Variants in PRKD1 observed in about 807,000 individuals in gnomAD.
PRKD1 encodes protein kinase D1.
In PRKD1, 63 loss-of-function variants were observed where a neutral mutation model predicts 95.9. That is an observed-to-expected ratio of 0.66 (90% CI 0.54 to 0.81). The LOEUF is 0.81. PRKD1 is among the 30% of genes least tolerant of loss of function. The probability of loss-of-function intolerance (pLI) is 0.00; values close to 1 mark genes in which losing one functional copy is unlikely to be tolerated. For synonymous variants in PRKD1, 425 were observed against 423.1 expected (o/e 1.00, Z -0.05); for missense variants, 1,048 against 1,165.3 (o/e 0.90, Z 1.47).
intron 1 of PRKD1, among the ~76,000 whole-genome samples, chr14:29,878,069 G>T (rs1052662453): frequency 6.6e-6 from 1 of 152,100 alleles, no homozygotes; most frequent in Non-Finnish European, 1.5e-5. Context: ...AATACTTCAT[G>T]TTCTCACTTA....
At chr14:29,844,629 C>T (rs1241584710) in intron 1 of PRKD1, among the ~76,000 whole-genome samples, 2 of 152,106 alleles carry the variant, frequency 1.3e-5, no homozygotes, top group African/African-American at 4.8e-5. Context: ...GTATATCATA[C>T]ATAGACATAG....
chr14:29,877,655 A>G (rs1893347879), intron 1 of PRKD1, among the ~76,000 whole-genome samples: 1 of 152,136 alleles, frequency 6.6e-6, no homozygotes, highest in African/African-American at 2.4e-5. Flanking sequence ...TGATGAGTTG[A>G]TTTTTGTATA....
chr14:29,723,776 T>C (rs754447931), intron 2 of PRKD1, among the ~76,000 whole-genome samples: 2 of 152,038 alleles, frequency 1.3e-5, no homozygotes, highest in African/African-American at 2.4e-5. Context: ...AGAATTAAAC[T>C]GTTAGAGAAT....
intron 1 of PRKD1, among the ~76,000 whole-genome samples, chr14:29,798,046 G>GATGT (rs1225454079): frequency 6.6e-6 from 1 of 152,158 alleles, no homozygotes; most frequent in Non-Finnish European, 1.5e-5. Flanking sequence ...CCATCTTGAA[G>GATGT]ATGTATGTAT....
intron 1 of PRKD1, among the ~76,000 whole-genome samples, chr14:29,749,598 C>T (rs965581107): frequency 1.3e-5 from 2 of 152,068 alleles, no homozygotes; most frequent in African/African-American, 4.8e-5. Context: ...CTTAATGGGT[C>T]GTTACTGATC....
rs35777923 is a variant in PRKD1, at chr14:29,733,108, A to ATT, written c.265-7436_265-7435dup. ...TTATTTTTTTAATTTTTATTTATTTATTTTTTTTTTTTGAGATGGAGTCTC... is the reference window on the plus strand; with the variant it reads ...TTATTTTTTTAATTTTTATTTATTTATTTTTTTTTTTTTTGAGATGGAGTCTC... On this transcript the variant is annotated intron_variant, in intron 1 of 17. Transcript: ENST00000331968. Among the ~76,000 whole-genome samples the ATT allele has an allele frequency of 1.1e-3, 156 of 138,932 alleles. 2 individuals carry two copies. Among genetic ancestry groups the ATT allele is most frequent in the Middle Eastern group, 3.7e-3 (1 of 270 alleles). The allele number at this position is 138,932 out of a possible 152,430, so 91.1% of individuals were successfully genotyped here.
At chr14:29,787,331 T>C (rs1022385859) in intron 1 of PRKD1, among the ~76,000 whole-genome samples, 1 of 150,788 alleles carries the variant, frequency 6.6e-6, no homozygotes, top group Non-Finnish European at 1.5e-5. Context: ...TATGTAAATA[T>C]CTGTTAGATC....
chr14:29,715,006 G>GT (rs1463437476), intron 2 of PRKD1, among the ~76,000 whole-genome samples: 4 of 152,128 alleles, frequency 2.6e-5, no homozygotes, highest in Non-Finnish European at 5.9e-5. Flanking sequence ...AATACCTAAT[G>GT]TAGATGACGG....
chr14:29,772,054 G>C (rs1888533564), intron 1 of PRKD1, among the ~76,000 whole-genome samples: 1 of 152,206 alleles, frequency 6.6e-6, no homozygotes, highest in South Asian at 2.1e-4. Context: ...ATGACTCTCA[G>C]CCATATATGA....
chr14:29,896,967 C>A (rs1894151638), intron 1 of PRKD1, among the ~76,000 whole-genome samples: 1 of 151,646 alleles, frequency 6.6e-6, no homozygotes, highest in South Asian at 2.1e-4. Context: ...AAACTGCTTT[C>A]TTGTATTTAT....
intron 1 of PRKD1, among the ~76,000 whole-genome samples, chr14:29,872,838 T>C (rs1233813450): frequency 6.6e-6 from 1 of 152,172 alleles, no homozygotes; most frequent in Non-Finnish European, 1.5e-5. Flanking sequence ...TTAGAAGCTG[T>C]TATTTACTTG....
At chr14:29,901,058 T>G (rs1426209564) in intron 1 of PRKD1, among the ~76,000 whole-genome samples, 1 of 152,212 alleles carries the variant, frequency 6.6e-6, no homozygotes, top group African/African-American at 2.4e-5. Context: ...TGCAGTGCTA[T>G]TCACAATAGC....
chr14:29,920,068 A>AGAAGGAAGGAAG (rs150031213), intron 1 of PRKD1, among the ~76,000 whole-genome samples: 9 of 96,940 alleles, frequency 9.3e-5, no homozygotes, highest in Non-Finnish European at 1.4e-4. Context: ...AAGGAAGGAA[A>AGAAGGAAGGAAG]GAAGGAAGGA....
intron 1 of PRKD1, among the ~76,000 whole-genome samples, chr14:29,900,940 C>T (rs1020639648): frequency 6.6e-6 from 1 of 152,122 alleles, no homozygotes; most frequent in Non-Finnish European, 1.5e-5. Context: ...GGAGATTTCT[C>T]GAAGAACTTA....
intron 1 of PRKD1, among the ~76,000 whole-genome samples, chr14:29,739,362 C>T (rs1959441): frequency 0.31 from 47,876 of 151,994 alleles, 8,962 homozygotes; most frequent in African/African-American, 0.52. Flanking sequence ...TCTGCTTAGA[C>T]CTCTCTTTTT....
At chr14:29,903,240 G>A (rs10131937) in intron 1 of PRKD1, among the ~76,000 whole-genome samples, 2,778 of 152,232 alleles carry the variant, frequency 0.018, 97 homozygotes, top group African/African-American at 0.063. Flanking sequence ...AGTTGCACAG[G>A]AGCATACTAT....
chr14:29,842,140 C>T (rs962909747), intron 1 of PRKD1, among the ~76,000 whole-genome samples: 5 of 152,244 alleles, frequency 3.3e-5, no homozygotes, highest in African/African-American at 1.2e-4. Flanking sequence ...GATAACAATG[C>T]TTTCTTCTGG....
chr14:29,680,662 T>C (rs1417549743), intron 2 of PRKD1, among the ~76,000 whole-genome samples: 1 of 152,050 alleles, frequency 6.6e-6, no homozygotes, highest in African/African-American at 2.4e-5. Flanking sequence ...AGACCCACAG[T>C]TGAGGGAATA....
Position 29,594,201 on chromosome 14 carries a change from A to G in PRKD1, c.2434+3290T>C, listed in dbSNP as rs192564876. On this transcript the variant is annotated intron_variant, in intron 16 of 17. Coordinates refer to ENST00000331968, the MANE Select transcript of PRKD1 (RefSeq NM_002742.3). ...TAACAGAAAAAATACATAATAAAGA[A>G]ATTTGTAATTCTGACACATCTATGC... 90 of 438,744 alleles carry G rather than the reference A, an allele frequency of 2.1e-4. No homozygotes were observed. The East Asian group carries it at 5.2e-3, about 25-fold the overall frequency. The allele number at this position is 438,744 out of a possible 1,614,324, so 27.2% of individuals were successfully genotyped here.
Sources: allele counts gnomAD v4.1 joint callset (sites outside exome capture counted in the v4.1 genomes callset), GRCh38; gene constraint gnomAD v4.1.1; transcripts MANE v1.5; gene names NCBI Gene and HGNC (gene_info 2026-07-23, HGNC 2026-07-21).